PLCG2: variants seen among roughly 807,000 people sequenced by gnomAD.
PLCG2 encodes the protein 1-phosphatidylinositol 4,5-bisphosphate phosphodiesterase gamma-2.
A neutral mutation model predicts 175.6 loss-of-function variants in PLCG2; 69 were observed. That is an observed-to-expected ratio of 0.39 (90% CI 0.32 to 0.48). The LOEUF (loss-of-function observed/expected upper bound fraction) is 0.48, where lower values mean the gene tolerates loss of function less well. Ranked by LOEUF, PLCG2 falls within the 20% of genes least tolerant of loss-of-function variation. The probability of loss-of-function intolerance (pLI) is 0.91; values close to 1 mark genes in which losing one functional copy is unlikely to be tolerated. For synonymous variants in PLCG2, 827 were observed against 624.0 expected (o/e 1.33, Z -4.85); for missense variants, 1,798 against 1,650.9 (o/e 1.09, Z -1.54).
intron 2 of PLCG2, among the ~76,000 whole-genome samples, chr16:81,812,043 C>CTTTTTTTTTT (rs539108021): frequency 8.9e-5 from 8 of 90,330 alleles, no homozygotes; most frequent in Non-Finnish European, 1.5e-4. Flanking sequence ...TGTTTCCTGA[C>CTTTTTTTTTT]TTTTTTTTTT....
intron 2 of PLCG2, among the ~76,000 whole-genome samples, chr16:81,851,841 G>A (rs975369206): frequency 2.0e-5 from 3 of 152,188 alleles, no homozygotes; most frequent in Non-Finnish European, 2.9e-5. Context: ...TGCCCACTGA[G>A]CTGTTTCTAA....
At chr16:81,880,339 G>C (rs1274463629) in intron 7 of PLCG2, among the ~76,000 whole-genome samples, 1 of 152,190 alleles carries the variant, frequency 6.6e-6, no homozygotes, top group East Asian at 1.9e-4. Context: ...ATTTATCAAA[G>C]CCAATGTGCC....
intron 2 of PLCG2, among the ~76,000 whole-genome samples, chr16:81,827,932 AAT>A: frequency 1.3e-5 from 2 of 152,050 alleles, no homozygotes; most frequent in South Asian, 4.2e-4. Context: ...CTCTACTAAA[AAT>A]ACAAAAGTAG....
chr16:81,783,347 G>C (rs1205741928), intron 1 of PLCG2, among the ~76,000 whole-genome samples: 1 of 152,144 alleles, frequency 6.6e-6, no homozygotes, highest in East Asian at 1.9e-4. Context: ...GGGTACATGT[G>C]CACAACGTGC....
intron 9 of PLCG2, among the ~76,000 whole-genome samples, chr16:81,886,171 G>T (rs115853660): frequency 6.6e-6 from 1 of 152,202 alleles, no homozygotes; most frequent in Non-Finnish European, 1.5e-5. Context: ...AGACTGGGGC[G>T]TGTAGATTTA....
intron 5 of PLCG2, among the ~76,000 whole-genome samples, chr16:81,867,125 G>A (rs1360705333): frequency 6.6e-6 from 1 of 152,248 alleles, no homozygotes; most frequent in Non-Finnish European, 1.5e-5. Context: ...AAAGGCTGGA[G>A]GTGGGGACAC....
chr16:81,884,887 A>T (rs1478690268), intron 9 of PLCG2, among the ~76,000 whole-genome samples: 4 of 149,666 alleles, frequency 2.7e-5, no homozygotes, highest in African/African-American at 7.3e-5. Flanking sequence ...GCATTTTGCA[A>T]TTTTTTTTTT....
At chr16:81,818,795 G>A (rs187830528) in intron 2 of PLCG2, among the ~76,000 whole-genome samples, 1 of 151,898 alleles carries the variant, frequency 6.6e-6, no homozygotes, top group African/African-American at 2.4e-5. Context: ...GGAGGAGTGT[G>A]GAGGGCAGCC....
At chr16:81,863,060 A>T (rs1362908375) in intron 5 of PLCG2, among the ~76,000 whole-genome samples, 1 of 152,244 alleles carries the variant, frequency 6.6e-6, no homozygotes, top group Non-Finnish European at 1.5e-5. Context: ...ATAGAACAAC[A>T]TTGATCATTT....
At chr16:81,850,814 A>G (rs1010354541) in intron 2 of PLCG2, among the ~76,000 whole-genome samples, 1 of 152,198 alleles carries the variant, frequency 6.6e-6, no homozygotes, top group African/African-American at 2.4e-5. Context: ...GTTTAGTATT[A>G]TAATGCAGCC....
In PLCG2 at chr16:81,816,651, A is replaced by ACTTTTTTTT. The variant is rs1555509092; in HGVS notation, c.193+30469_193+30470insCTTTTTTTT. 3.4e-4 allele frequency among the ~76,000 whole-genome samples: 37 copies of ACTTTTTTTT among 108,878 alleles called. 14 individuals are homozygous for ACTTTTTTTT. Among genetic ancestry groups the ACTTTTTTTT allele is most frequent in the African/African-American group, 9.8e-4 (26 of 26,502 alleles). The allele number at this position is 108,878 out of a possible 152,430, so 71.4% of individuals were successfully genotyped here. ...GCACCACCATGCCCAGCTAATTTTA[A>ACTTTTTTTT]TTTTTTTTTTTTTTTTTTTTTTTTT... On this transcript the variant is annotated intron_variant, in intron 2 of 32. Coordinates refer to ENST00000564138, the MANE Select transcript of PLCG2 (RefSeq NM_002661.5).
At chr16:81,778,616 C>T (rs1910566271), upstream of PLCG2, among the ~76,000 whole-genome samples, 2 of 152,272 alleles carry the variant, frequency 1.3e-5, no homozygotes, top group South Asian at 4.1e-4. Flanking sequence ...TTCTTTGCTC[C>T]TGACTCCCTT....
intron 2 of PLCG2, among the ~76,000 whole-genome samples, chr16:81,805,368 G>A (rs1457132887): frequency 2.0e-5 from 3 of 151,414 alleles, no homozygotes; most frequent in Admixed American, 6.6e-5. Flanking sequence ...GTGTGGTGTC[G>A]GGTGCCTATA....
chr16:81,881,115 A>G (rs971756986), intron 8 of PLCG2, among the ~76,000 whole-genome samples, 162 bp downstream of exon 8: 1 of 152,220 alleles, frequency 6.6e-6, no homozygotes, highest in Non-Finnish European at 1.5e-5. Context: ...TGTGGCGTGG[A>G]TAGAGATGAG....
chr16:81,938,779 A>G lies in PLCG2; in HGVS notation c.3199-22A>G, dbSNP rs75387007. 1.3e-4 allele frequency: 201 copies of G among 1,507,826 alleles called. 1 individual carries two copies. The East Asian group carries it at 3.7e-3, about 28-fold the overall frequency. The allele number at this position is 1,507,826 out of a possible 1,614,324, so 93.4% of individuals were successfully genotyped here. A position where few individuals can be genotyped will look rare whatever the true frequency, so the allele number is the denominator to read the frequency against. On this transcript the variant is annotated intron_variant, in intron 28 of 32. Coordinates refer to ENST00000564138, the MANE Select transcript of PLCG2 (RefSeq NM_002661.5). ...TGTTCAGGACCCCAGGGGGGTTCCA[A>G]TGCTTCCCTTTGGTGTCCCAGGTTC... is the stretch of plus-strand genomic sequence containing the variant.
chr16:81,929,557 G>A (rs111946415), intron 24 of PLCG2, among the ~76,000 whole-genome samples: 289 of 152,200 alleles, frequency 1.9e-3, no homozygotes, highest in African/African-American at 6.5e-3. Flanking sequence ...CACCGTGCCT[G>A]GCTAATTTTT....
intron 9 of PLCG2, 165 bp downstream of exon 9, chr16:81,883,506 C>T: frequency 3.2e-6 from 2 of 619,272 alleles, no homozygotes; most frequent in Non-Finnish European, 5.8e-6. Context: ...CTGCCAGATG[C>T]CAGAGACTTC....
chr16:81,912,274 C>G (rs1439899082), intron 18 of PLCG2, among the ~76,000 whole-genome samples: 13 of 152,076 alleles, frequency 8.5e-5, no homozygotes, highest in Non-Finnish European at 7.4e-5. Flanking sequence ...TTGTGTTGGC[C>G]AGGCTGGTCT....
intron 4 of PLCG2, 81 bp downstream of exon 4, chr16:81,858,437 G>GA: frequency 4.2e-5 from 12 of 286,624 alleles, no homozygotes; most frequent in Admixed American, 8.3e-5. Flanking sequence ...GCTACAGGGG[G>GA]GAAAAAAAAA....
Sources: allele counts gnomAD v4.1 joint callset (sites outside exome capture counted in the v4.1 genomes callset), GRCh38; gene constraint gnomAD v4.1.1; transcripts MANE v1.5; gene names NCBI Gene and HGNC (gene_info 2026-07-23, HGNC 2026-07-21).